Variants in UGT2A3 observed in about 807,000 individuals in gnomAD.
UGT2A3 encodes the protein UDP glucuronosyltransferase family 2 member A3, also known as UDP-glucuronosyltransferase 2A3.
Under a neutral mutation model 44.1 loss-of-function variants are expected in UGT2A3, and 55 were observed. The ratio of observed to expected loss-of-function variants is 1.25; its 90% CI spans 1.00 to 1.56. The LOEUF (loss-of-function observed/expected upper bound fraction) is 1.56. UGT2A3 is among the 40% of genes most tolerant of loss of function. UGT2A3 has a pLI of 0.00. For missense variants in UGT2A3, 733 were observed against 621.6 expected, an observed-to-expected ratio of 1.18 and a Z score of -1.91; for synonymous variants, 243 against 215.1, an observed-to-expected ratio of 1.13 and a Z score of -1.13.
At chr4:68,937,498 G>C (rs1162818296) in intron 2 of UGT2A3, among the ~76,000 whole-genome samples, 1 of 150,432 alleles carries the variant, frequency 6.6e-6, no homozygotes, top group Non-Finnish European at 1.5e-5. Context: ...AAATAAAGAT[G>C]TTCTTTGAAA....
At chr4:68,944,670 A>C (rs1577854732) in intron 2 of UGT2A3, among the ~76,000 whole-genome samples, 1 of 151,802 alleles carries the variant, frequency 6.6e-6, no homozygotes, top group East Asian at 2.0e-4. Flanking sequence ...AGAGGTTGAA[A>C]CCTTGTTTTT....
At chr4:68,942,319 A>ATATC (rs753474629) in intron 2 of UGT2A3, among the ~76,000 whole-genome samples, 4 of 146,024 alleles carry the variant, frequency 2.7e-5, no homozygotes, top group African/African-American at 7.5e-5. Context: ...ATTTGAAAAT[A>ATATC]TCTCTCTCTC....
Position 68,945,322 on chromosome 4 carries a change from G to A in UGT2A3, c.848C>T (p.Ala283Val). The change falls in exon 2 of 6, where the codon GCC becomes GTC. Residue 283 changes from alanine (A) to valine (V), a missense_variant. Ala to Val is a moderately conservative substitution (Grantham distance 64, BLOSUM62 0). Transcript: ENST00000251566. Reference protein sequence around the residue: ...EFVGGLHCKPAKALPKEMENF... With the variant: ...EFVGGLHCKPVKALPKEMENF... ...TAGTCCTACCTTAGGCAAAGCTTTG[G>A]CAGGTTTACAGTGCAATCCTCCAAC... 6.2e-7 allele frequency: 1 copy of A among 1,611,172 alleles called. No individual in the cohort carries two copies. The highest frequency in any genetic ancestry group is 8.5e-7 in the Non-Finnish European group (1 of 1,178,328).
chr4:68,939,474 G>T (rs1718098366), intron 2 of UGT2A3, among the ~76,000 whole-genome samples: 1 of 152,140 alleles, frequency 6.6e-6, no homozygotes, highest in Non-Finnish European at 1.5e-5. Context: ...AATAAATGGT[G>T]TTGGGAAAAC....
At chr4:68,940,211 G>A (rs963245563) in intron 2 of UGT2A3, among the ~76,000 whole-genome samples, 2 of 152,124 alleles carry the variant, frequency 1.3e-5, no homozygotes, top group African/African-American at 4.8e-5. Context: ...TGTACACAAA[G>A]GATAGTAAAT....
At chr4:68,942,504 G>GAGATAT (rs1553902064) in intron 2 of UGT2A3, among the ~76,000 whole-genome samples, 3 of 131,030 alleles carry the variant, frequency 2.3e-5, no homozygotes, top group African/African-American at 9.0e-5. Context: ...TTCCACTGGA[G>GAGATAT]ATATATATAT....
rs1445699299 is a variant in UGT2A3 at position 68,930,538 on chromosome 4, G to A, written c.1304+8C>T. On this transcript the variant is annotated splice_region_variant and intron_variant, in intron 5 of 5. Transcript: ENST00000251566. ...GTTAGATCAGTCTGTACAAGCAGTAGTACTTACGAGGAATCGGTAATGACT... is the reference window on the plus strand; with the variant it reads ...GTTAGATCAGTCTGTACAAGCAGTAATACTTACGAGGAATCGGTAATGACT... The A allele has an allele frequency of 3.1e-6, 5 of 1,600,240 alleles. No homozygotes were observed. In the Admixed American group the frequency reaches 5.1e-5, roughly 16 times the overall value.
chr4:68,949,766 T>C (rs1718511244), intron 1 of UGT2A3, among the ~76,000 whole-genome samples: 1 of 151,892 alleles, frequency 6.6e-6, no homozygotes, highest in African/African-American at 2.4e-5. Context: ...TTCCTATAGT[T>C]GTTTGAATAT....
Position 68,930,757 on chromosome 4 carries a change from T to G in UGT2A3, c.1093A>C (p.Lys365Gln), listed in dbSNP as rs746861275. The G allele has an allele frequency of 1.3e-6, 2 of 1,592,140 alleles. No homozygotes were observed. The highest frequency in any genetic ancestry group is 1.1e-5 in the South Asian group (1 of 87,162). Reference sequence around the variant, plus strand: ...CCATGAGTGATAAAAGCTTTGGTTTTGGGATGACCTAGTATGTAAATTGGA... The same window carrying G: ...CCATGAGTGATAAAAGCTTTGGTTTGGGGATGACCTAGTATGTAAATTGGA... ...IPQNDLLGHPKTKAFITHGGM... is the reference protein window; with the variant it reads ...IPQNDLLGHPQTKAFITHGGM... The change falls in exon 5 of 6, where the codon AAA becomes CAA. Residue 365 changes from lysine (K) to glutamine (Q), a missense_variant. Coordinates refer to ENST00000251566, the MANE Select transcript of UGT2A3 (RefSeq NM_024743.4).
chr4:68,946,118 G>A (rs1045542278), intron 1 of UGT2A3, among the ~76,000 whole-genome samples: 4 of 151,560 alleles, frequency 2.6e-5, no homozygotes, highest in African/African-American at 9.7e-5. Context: ...ACTTACTTTA[G>A]TGTTTCTCTC....
chr4:68,932,128 A>T (rs769495305), intron 3 of UGT2A3, among the ~76,000 whole-genome samples: 46 of 152,070 alleles, frequency 3.0e-4, no homozygotes, highest in Non-Finnish European at 5.6e-4. Flanking sequence ...TTGTTACTAT[A>T]CTATAATTGT....
intron 1 of UGT2A3, among the ~76,000 whole-genome samples, chr4:68,950,242 C>A (rs959844110): frequency 2.6e-5 from 4 of 151,838 alleles, no homozygotes; most frequent in African/African-American, 9.7e-5. Flanking sequence ...CAAATCATGT[C>A]TAAGGCTAAG....
chr4:68,933,658 A>G (rs1337629071), intron 2 of UGT2A3, among the ~76,000 whole-genome samples: 1 of 152,056 alleles, frequency 6.6e-6, no homozygotes, highest in African/African-American at 2.4e-5. Flanking sequence ...GATTTTACAA[A>G]TATCCCAGGT....
chr4:68,940,247 A>C (rs947886487), intron 2 of UGT2A3, among the ~76,000 whole-genome samples: 5 of 152,130 alleles, frequency 3.3e-5, no homozygotes, highest in Non-Finnish European at 4.4e-5. Context: ...ACACATGCAC[A>C]CATATGTTTA....
chr4:68,934,052 A>C (rs1361394441), intron 2 of UGT2A3, among the ~76,000 whole-genome samples: 1 of 152,124 alleles, frequency 6.6e-6, no homozygotes, highest in East Asian at 1.9e-4. Context: ...GTATTGTTAA[A>C]AAAAAACTGG....
intron 1 of UGT2A3, among the ~76,000 whole-genome samples, chr4:68,947,387 A>G (rs1560462739): frequency 6.6e-6 from 1 of 151,792 alleles, no homozygotes; most frequent in Admixed American, 6.6e-5. Context: ...TTATCATGAT[A>G]TTATAGCAAT....
chr4:68,932,407 A>G (rs113739468), intron 3 of UGT2A3, among the ~76,000 whole-genome samples: 4 of 152,018 alleles, frequency 2.6e-5, no homozygotes, highest in Admixed American at 6.6e-5. Flanking sequence ...TTTATTTATT[A>G]TATCTATTTT....
intron 2 of UGT2A3, among the ~76,000 whole-genome samples, chr4:68,933,249 T>TA (rs1717807079): frequency 2.6e-5 from 4 of 151,914 alleles, no homozygotes; most frequent in Admixed American, 2.0e-4. Flanking sequence ...TCATGGAAAT[T>TA]AAAAAATCCA....
At chr4:68,943,433 A>C in intron 2 of UGT2A3, 1 of 744,824 alleles carries the variant, frequency 1.3e-6, no homozygotes, top group Non-Finnish European at 1.8e-6. Flanking sequence ...TCATCAATAC[A>C]CATCTTACTA....
Sources: gnomAD v4.1 joint callset for allele counts (sites outside exome capture counted in the v4.1 genomes callset) on GRCh38, gnomAD v4.1.1 for gene constraint, MANE v1.5 for transcripts, NCBI Gene and HGNC (gene_info 2026-07-23, HGNC 2026-07-21) for gene names.